Variants in ANKS1B observed in about 807,000 individuals in gnomAD.
The protein encoded by ANKS1B is ankyrin repeat and sterile alpha motif domain-containing protein 1B.
ANKS1B carries 36 observed loss-of-function variants against 148.3 expected under a neutral mutation model. The observed-to-expected ratio is 0.24, with a 90% CI of 0.19 to 0.32. ANKS1B has a LOEUF of 0.32. ANKS1B is among the 10% of genes least tolerant of loss of function. The pLI is 1.00. For synonymous variants in ANKS1B, 542 were observed against 560.8 expected (o/e 0.97, Z 0.47); for missense variants, 1,157 against 1,542.6 (o/e 0.75, Z 4.19).
At chr12:99,598,870 G>C (rs931251717) in intron 9 of ANKS1B, among the ~76,000 whole-genome samples, 42 of 152,064 alleles carry the variant, frequency 2.8e-4, no homozygotes, top group African/African-American at 1.0e-3. Context: ...GCAGTTCATA[G>C]TTTGGGATGC....
At chr12:99,327,012 T>A (rs1290280860) in intron 12 of ANKS1B, among the ~76,000 whole-genome samples, 1 of 132,946 alleles carries the variant, frequency 7.5e-6, no homozygotes, top group African/African-American at 3.1e-5. Flanking sequence ...ATAATTTATA[T>A]ATTATATTAT....
chr12:99,171,419 G>T (rs898355994), intron 14 of ANKS1B, among the ~76,000 whole-genome samples: 1 of 152,186 alleles, frequency 6.6e-6, no homozygotes, highest in Non-Finnish European at 1.5e-5. Flanking sequence ...GTCATTCCAA[G>T]AATTGGGGAA....
intron 12 of ANKS1B, among the ~76,000 whole-genome samples, chr12:99,299,153 T>C (rs1034231238): frequency 1.3e-5 from 2 of 152,082 alleles, no homozygotes; most frequent in Admixed American, 1.3e-4. Flanking sequence ...TTTGAACTCC[T>C]GGGCTCTAGT....
At chr12:99,188,080 G>T (rs954107213) in intron 14 of ANKS1B, among the ~76,000 whole-genome samples, 7 of 151,812 alleles carry the variant, frequency 4.6e-5, no homozygotes, top group African/African-American at 1.7e-4. Flanking sequence ...AACCAACAAA[G>T]ATCAAGAGAG....
At chr12:99,450,445 G>A (rs1402222841) in intron 10 of ANKS1B, among the ~76,000 whole-genome samples, 1 of 152,160 alleles carries the variant, frequency 6.6e-6, no homozygotes, top group African/African-American at 2.4e-5. Context: ...TCATTGCAAG[G>A]GCTGGTCTTA....
At chr12:99,032,022 A>AGGC (rs541257302) in intron 17 of ANKS1B, among the ~76,000 whole-genome samples, 376 of 152,356 alleles carry the variant, frequency 2.5e-3, no homozygotes, top group African/African-American at 8.6e-3. Context: ...ACTGTCAGGC[A>AGGC]GGCCCTTCTT....
chr12:99,584,869 A>G (rs1273322997), intron 9 of ANKS1B, among the ~76,000 whole-genome samples: 3 of 152,102 alleles, frequency 2.0e-5, no homozygotes, highest in Non-Finnish European at 2.9e-5. Context: ...CCATGATTCA[A>G]TTACCTTCCA....
chr12:99,752,597 C>G (rs903298184), intron 8 of ANKS1B, among the ~76,000 whole-genome samples: 2 of 151,896 alleles, frequency 1.3e-5, no homozygotes, highest in Non-Finnish European at 2.9e-5. Context: ...TACAAAATAT[C>G]ATAATGTGTA....
At chr12:99,575,301 C>T (rs60818108) in intron 9 of ANKS1B, among the ~76,000 whole-genome samples, 134 of 151,904 alleles carry the variant, frequency 8.8e-4, no homozygotes, top group Non-Finnish European at 8.4e-4. Context: ...AAACTTCATA[C>T]GTGAAGGAGA....
intron 9 of ANKS1B, among the ~76,000 whole-genome samples, chr12:99,627,878 T>G (rs1346047046): frequency 6.6e-6 from 1 of 152,156 alleles, no homozygotes; most frequent in Non-Finnish European, 1.5e-5. Context: ...GACCTTAAAG[T>G]TTATAAAATT....
chr12:99,595,400 G>A (rs568315668), intron 9 of ANKS1B, among the ~76,000 whole-genome samples: 1 of 151,784 alleles, frequency 6.6e-6, no homozygotes, highest in Non-Finnish European at 1.5e-5. Flanking sequence ...AAAATAGTAT[G>A]AATTGTTCCA....
chr12:99,705,071 A>T (rs1486166116), intron 8 of ANKS1B, among the ~76,000 whole-genome samples: 7 of 152,138 alleles, frequency 4.6e-5, no homozygotes, highest in Admixed American at 4.6e-4. Context: ...ACTACAGAGG[A>T]CTCATGAATT....
intron 15 of ANKS1B, among the ~76,000 whole-genome samples, chr12:99,136,512 G>A (rs2068117482): frequency 6.6e-6 from 1 of 152,208 alleles, no homozygotes; most frequent in African/African-American, 2.4e-5. Flanking sequence ...ACTTGAATTT[G>A]TGGGCTAAGA....
chr12:99,379,942 C>T (rs1439810605), intron 12 of ANKS1B, among the ~76,000 whole-genome samples: 4 of 152,190 alleles, frequency 2.6e-5, no homozygotes, highest in African/African-American at 9.7e-5. Context: ...AATATCAAGA[C>T]TTAGAGTCTC....
At chr12:99,832,089 G>C (rs1251044896) in intron 1 of ANKS1B, among the ~76,000 whole-genome samples, 1 of 152,144 alleles carries the variant, frequency 6.6e-6, no homozygotes, top group Admixed American at 6.6e-5. Flanking sequence ...AATATGTGAA[G>C]AAATAGTCAC....
chr12:99,160,106 T>C (rs1014573563), intron 14 of ANKS1B, among the ~76,000 whole-genome samples: 1 of 152,198 alleles, frequency 6.6e-6, no homozygotes, highest in African/African-American at 2.4e-5. Flanking sequence ...TTAAGTTCCT[T>C]ATAGATTCTG....
At chr12:99,240,046 C>G (rs1049405911) in intron 14 of ANKS1B, among the ~76,000 whole-genome samples, 2 of 152,086 alleles carry the variant, frequency 1.3e-5, no homozygotes, top group Non-Finnish European at 2.9e-5. Context: ...ATGATAGGGT[C>G]AAATTCAAAG....
At chr12:99,608,763 C>A (rs1175467274) in intron 9 of ANKS1B, among the ~76,000 whole-genome samples, 1 of 151,976 alleles carries the variant, frequency 6.6e-6, no homozygotes, top group Non-Finnish European at 1.5e-5. Context: ...CTGTGTTTTT[C>A]AAGGGGTCTC....
At chr12:98,939,270 A>G (rs756058145) in intron 17 of ANKS1B, among the ~76,000 whole-genome samples, 1 of 152,210 alleles carries the variant, frequency 6.6e-6, no homozygotes, top group African/African-American at 2.4e-5. Context: ...AGCATTGTTA[A>G]TTTGCATCAT....
Sources: allele counts gnomAD v4.1 joint callset (sites outside exome capture counted in the v4.1 genomes callset), GRCh38; gene constraint gnomAD v4.1.1; transcripts MANE v1.5; gene names NCBI Gene and HGNC (gene_info 2026-07-23, HGNC 2026-07-21).